SRGAP3: variants seen among roughly 807,000 people sequenced by gnomAD.
SRGAP3 encodes SLIT-ROBO Rho GTPase-activating protein 3.
SRGAP3 carries 39 observed loss-of-function variants against 121.1 expected under a neutral mutation model. The ratio of observed to expected loss-of-function variants is 0.32; its 90% CI spans 0.25 to 0.42. SRGAP3 has a LOEUF of 0.42. SRGAP3 is among the 10% of genes least tolerant of loss of function. The pLI, the probability that SRGAP3 is intolerant of heterozygous loss-of-function variation, is 1.00. For missense variants in SRGAP3, 1,213 were observed against 1,470.6 expected (o/e 0.82, Z 2.86); for synonymous variants, 601 against 570.0 (o/e 1.05, Z -0.77).
chr3:9,282,474 T>C (rs191398035), intron 3 of SRGAP3, among the ~76,000 whole-genome samples: 5 of 151,354 alleles, frequency 3.3e-5, no homozygotes, highest in Admixed American at 3.3e-4. Flanking sequence ...GCTGTTATGA[T>C]ATATTTGTTT....
chr3:9,013,282 T>C (rs1943462528), intron 17 of SRGAP3, 26 bp downstream of exon 17: 2 of 1,601,506 alleles, frequency 1.2e-6, no homozygotes, highest in South Asian at 1.1e-5. Flanking sequence ...ACGATGATAA[T>C]AATATTAAGA....
At chr3:9,123,307 A>G (rs960046581) in intron 2 of SRGAP3, among the ~76,000 whole-genome samples, 1 of 151,992 alleles carries the variant, frequency 6.6e-6, no homozygotes, top group Non-Finnish European at 1.5e-5. Context: ...GTGCCACTGA[A>G]CTGTTCATTT....
intron 3 of SRGAP3, among the ~76,000 whole-genome samples, chr3:9,299,610 A>G (rs543203867): frequency 6.6e-6 from 1 of 152,210 alleles, no homozygotes; most frequent in South Asian, 2.1e-4. Context: ...TTGCTGCTCT[A>G]CTTAAGATCC....
At chr3:9,293,016 A>AAAAGAAAG (rs200371837) in intron 3 of SRGAP3, 23 of 151,248 alleles carry the variant, frequency 1.5e-4, no homozygotes, top group African/African-American at 5.6e-4. Flanking sequence ...GCTGAAAAAA[A>AAAAGAAAG]AAAGAAAGAA....
At chr3:9,287,442 T>C (rs1954795276) in intron 3 of SRGAP3, among the ~76,000 whole-genome samples, 1 of 152,242 alleles carries the variant, frequency 6.6e-6, no homozygotes, top group African/African-American at 2.4e-5. Context: ...TCCTGGTGAA[T>C]AATATTTTTG....
chr3:9,344,507 C>A (rs558306766), intron 1 of SRGAP3, among the ~76,000 whole-genome samples: 1 of 152,054 alleles, frequency 6.6e-6, no homozygotes, highest in Non-Finnish European at 1.5e-5. Flanking sequence ...CGGCAGGCAC[C>A]TATAATCCCC....
intron 1 of SRGAP3, among the ~76,000 whole-genome samples, chr3:9,337,850 C>T (rs1955717526): frequency 6.6e-6 from 1 of 152,168 alleles, no homozygotes; most frequent in Non-Finnish European, 1.5e-5. Context: ...ACAATACATA[C>T]TAAGGCATAT....
chr3:9,057,807 C>A (rs77227837), intron 7 of SRGAP3, among the ~76,000 whole-genome samples: 8,771 of 152,316 alleles, frequency 0.058, 335 homozygotes, highest in Middle Eastern at 0.099. Context: ...ATCTGAGCAG[C>A]ACAAGCACTG....
intron 2 of SRGAP3, among the ~76,000 whole-genome samples, chr3:9,107,238 GTTC>G (rs1267678065): frequency 4.6e-5 from 7 of 152,220 alleles, no homozygotes; most frequent in Non-Finnish European, 1.0e-4. Context: ...TCTTGGGTGG[GTTC>G]TGGGCACCCA....
At chr3:9,088,014 G>T (rs79758406) in intron 3 of SRGAP3, among the ~76,000 whole-genome samples, 3,762 of 152,182 alleles carry the variant, frequency 0.025, 155 homozygotes, top group African/African-American at 0.086. Flanking sequence ...TTTTTGGCTG[G>T]GGTTGATTGG....
Position 9,292,196 on chromosome 3 carries a change from G to C in SRGAP3, n.442+33814C>G, listed in dbSNP as rs11926373. 4.2e-3 allele frequency among the ~76,000 whole-genome samples: 644 copies of C among 152,312 alleles called. 6 individuals carry two copies. The highest frequency in any genetic ancestry group is 0.014 in the African/African-American group (571 of 41,566). On this transcript the variant is annotated intron_variant and non_coding_transcript_variant, in intron 3 of 3. Coordinates refer to the SRGAP3 transcript ENST00000490889. The stretch of plus-strand genomic sequence containing the variant: ...GGTTCTCAAACTGTAGCGTGCATCA[G>C]AATCCCCCAGAGGGCCCGTTAGAAC...
At chr3:9,220,989 C>T (rs1952793879) in intron 1 of SRGAP3, among the ~76,000 whole-genome samples, 1 of 152,218 alleles carries the variant, frequency 6.6e-6, no homozygotes, top group African/African-American at 2.4e-5. Flanking sequence ...CCGCTGGTGA[C>T]AGCATCTGCC....
At chr3:9,023,307 G>C (rs59721007) in intron 14 of SRGAP3, among the ~76,000 whole-genome samples, 1 of 152,168 alleles carries the variant, frequency 6.6e-6, no homozygotes, top group African/African-American at 2.4e-5. Flanking sequence ...GGAAAATGAA[G>C]AAACAACATT....
At chr3:9,273,280 C>A (rs2125261574) in intron 3 of SRGAP3, among the ~76,000 whole-genome samples, 1 of 152,266 alleles carries the variant, frequency 6.6e-6, no homozygotes, top group Admixed American at 6.5e-5. Context: ...CTCTGCGGCC[C>A]AGTTCCTAAC....
chr3:9,197,978 A>G (rs1951961966), intron 1 of SRGAP3, among the ~76,000 whole-genome samples: 1 of 152,240 alleles, frequency 6.6e-6, no homozygotes, highest in African/African-American at 2.4e-5. Flanking sequence ...AATATTTGGG[A>G]AATACAAAAA....
chr3:9,129,131 T>C (rs1449598144), intron 1 of SRGAP3, among the ~76,000 whole-genome samples: 2 of 152,206 alleles, frequency 1.3e-5, no homozygotes, highest in Non-Finnish European at 2.9e-5. Context: ...GGCCTCTTTA[T>C]GTTACCCAGG....
chr3:9,207,892 T>C (rs1373778084), intron 1 of SRGAP3, among the ~76,000 whole-genome samples: 2 of 152,186 alleles, frequency 1.3e-5, no homozygotes, highest in African/African-American at 4.8e-5. Flanking sequence ...ATGCAACACA[T>C]GAGGGATATT....
At chr3:9,355,851 GCCTTCTTGCTA>G (rs936813235) in intron 1 of SRGAP3, 5 of 152,240 alleles carry the variant, frequency 3.3e-5, no homozygotes, top group African/African-American at 1.2e-4. Flanking sequence ...TCTGGTGAGG[GCCTTCTTGCTA>G]TGTCACCCCA....
chr3:9,103,845 G>T (rs1195779433), intron 3 of SRGAP3, among the ~76,000 whole-genome samples: 1 of 152,206 alleles, frequency 6.6e-6, no homozygotes, highest in Non-Finnish European at 1.5e-5. Context: ...AGAGACCTCA[G>T]TGCTCCTTCC....
Sources: allele counts gnomAD v4.1 joint callset (sites outside exome capture counted in the v4.1 genomes callset), GRCh38; gene constraint gnomAD v4.1.1; transcripts MANE v1.5; gene names NCBI Gene and HGNC (gene_info 2026-07-23, HGNC 2026-07-21).